GIPC2: variants seen among roughly 807,000 people sequenced by gnomAD.
GIPC2 encodes PDZ domain-containing protein GIPC2.
In GIPC2, 30 loss-of-function variants were observed where a neutral mutation model predicts 30.6. The observed-to-expected ratio is 0.98, with a 90% CI of 0.73 to 1.33. The LOEUF (loss-of-function observed/expected upper bound fraction) is 1.33. Ranked by LOEUF, GIPC2 falls within the 40% of genes most tolerant of loss-of-function variation. The pLI, the probability that GIPC2 is intolerant of heterozygous loss-of-function variation, is 0.00. For missense variants in GIPC2, 414 were observed against 390.3 expected (o/e 1.06, Z -0.51); for synonymous variants, 167 against 150.0 (o/e 1.11, Z -0.83).
At chr1:78,090,876 G>GA (rs900852541) in intron 2 of GIPC2, among the ~76,000 whole-genome samples, 1 of 152,132 alleles carries the variant, frequency 6.6e-6, no homozygotes, top group Admixed American at 6.5e-5. Context: ...GATGATTTGT[G>GA]AAAACAGGTA....
At chr1:78,068,630 T>C (rs1316360412) in intron 1 of GIPC2, among the ~76,000 whole-genome samples, 1 of 152,154 alleles carries the variant, frequency 6.6e-6, no homozygotes, top group East Asian at 1.9e-4. Flanking sequence ...GGACCTAGAG[T>C]TATCCCAGTT....
intron 3 of GIPC2, among the ~76,000 whole-genome samples, chr1:78,097,970 A>T (rs1354770079): frequency 6.6e-6 from 1 of 152,244 alleles, no homozygotes; most frequent in Non-Finnish European, 1.5e-5. Flanking sequence ...ACCTACCAAA[A>T]TCACACATAA....
intron 4 of GIPC2, among the ~76,000 whole-genome samples, chr1:78,120,898 A>G (rs1474741256): frequency 6.6e-6 from 1 of 152,170 alleles, no homozygotes; most frequent in Non-Finnish European, 1.5e-5. Flanking sequence ...TATCAGCACT[A>G]AACACACTAG....
chr1:78,079,482 A>C (rs1661786478), intron 1 of GIPC2, among the ~76,000 whole-genome samples: 1 of 152,210 alleles, frequency 6.6e-6, no homozygotes, highest in Non-Finnish European at 1.5e-5. Flanking sequence ...GGCTCAATCA[A>C]GGTTCTGTTA....
chr1:78,113,345 A>G (rs889343757), intron 3 of GIPC2, among the ~76,000 whole-genome samples: 8 of 152,158 alleles, frequency 5.3e-5, no homozygotes, highest in African/African-American at 1.9e-4. Context: ...AGTAGCTTGG[A>G]CTACAGGCAT....
At chr1:78,091,226 A>G (rs996183741) in intron 2 of GIPC2, among the ~76,000 whole-genome samples, 2 of 152,182 alleles carry the variant, frequency 1.3e-5, no homozygotes, top group East Asian at 3.8e-4. Context: ...TCCTTTTCCT[A>G]GGCTTATTGT....
At chr1:78,131,529 G>C (rs1414648009) in intron 5 of GIPC2, among the ~76,000 whole-genome samples, 1 of 152,044 alleles carries the variant, frequency 6.6e-6, no homozygotes, top group South Asian at 2.1e-4. Flanking sequence ...GTTTATTATT[G>C]CAGTATATTG....
At chr1:78,120,815 C>T (rs112676513) in intron 4 of GIPC2, among the ~76,000 whole-genome samples, 1 of 152,142 alleles carries the variant, frequency 6.6e-6, no homozygotes. Flanking sequence ...CCCACCGGGT[C>T]CCTCCCACAA....
At position 78,095,147 on chromosome 1, in the gene GIPC2, G is replaced by C. The variant is rs1662114595; in HGVS notation, c.607+15G>C. On this transcript the variant is annotated intron_variant, in intron 3 of 5. Coordinates refer to ENST00000370759, the MANE Select transcript of GIPC2 (RefSeq NM_017655.6). ...GAAGGCATTTGGTAAGTCAGGGGTT[G>C]GTGGGCGGGTGTGTGAAATGTTTGC... 6.3e-7 allele frequency: 1 copy of C among 1,582,094 alleles called. No homozygotes were observed. Among genetic ancestry groups the C allele is most frequent in the African/African-American group, 1.4e-5 (1 of 73,914 alleles).
At chr1:78,088,840 A>G (rs1661983598) in intron 2 of GIPC2, 1 of 151,832 alleles carries the variant, frequency 6.6e-6, no homozygotes, top group Non-Finnish European at 1.5e-5. Context: ...TTAAAAAAAA[A>G]AAAAAAGTCA....
At chr1:78,059,725 C>T (rs1311954881) in intron 1 of GIPC2, among the ~76,000 whole-genome samples, 2 of 151,848 alleles carry the variant, frequency 1.3e-5, no homozygotes, top group African/African-American at 2.4e-5. Context: ...GAGCCATGAT[C>T]GTGCCACTGC....
At chr1:78,049,909 T>C (rs1408909586) in intron 1 of GIPC2, among the ~76,000 whole-genome samples, 9 of 145,088 alleles carry the variant, frequency 6.2e-5, no homozygotes, top group Admixed American at 5.5e-4. Context: ...TTTTTTTTTT[T>C]TTTTTGAGAT....
chr1:78,122,358 G>C (rs563941946), intron 4 of GIPC2, among the ~76,000 whole-genome samples: 44 of 152,280 alleles, frequency 2.9e-4, no homozygotes, highest in Admixed American at 7.2e-4. Flanking sequence ...TCTGAAAATG[G>C]TGTAAGATTC....
At chr1:78,128,654 A>C (rs575198118) in intron 5 of GIPC2, among the ~76,000 whole-genome samples, 7 of 152,312 alleles carry the variant, frequency 4.6e-5, no homozygotes, top group African/African-American at 1.4e-4. Flanking sequence ...ATATACATAC[A>C]CACATACGCA....
chr1:78,102,456 A>G (rs1662266996), intron 3 of GIPC2, among the ~76,000 whole-genome samples: 1 of 152,234 alleles, frequency 6.6e-6, no homozygotes, highest in Non-Finnish European at 1.5e-5. Context: ...TTCATGCTGT[A>G]TCTAGGGAAA....
At position 78,046,040 on chromosome 1, in the gene GIPC2, G is replaced by C. The variant is rs1661060859; in HGVS notation, c.-55G>C. On this transcript the variant is annotated 5_prime_UTR_variant, in exon 1 of 6. Coordinates refer to ENST00000370759, the MANE Select transcript of GIPC2 (RefSeq NM_017655.6). ...CGGGGCGCAAAGTCCGAGGCGCCGG[G>C]GGGAGGAGGCGGCGGACGGCAGCGC... 1.4e-6 allele frequency: 2 copies of C among 1,400,100 alleles called. No individual in the cohort carries two copies. The highest frequency in any genetic ancestry group is 1.9e-6 in the Non-Finnish European group (2 of 1,079,554). The allele number at this position is 1,400,100 out of a possible 1,614,324, so 86.7% of individuals were successfully genotyped here.
intron 3 of GIPC2, among the ~76,000 whole-genome samples, chr1:78,102,795 A>G (rs1247407491): frequency 6.6e-6 from 1 of 152,212 alleles, no homozygotes; most frequent in Non-Finnish European, 1.5e-5. Flanking sequence ...CTATTATTAT[A>G]AAGGTGTATC....
At chr1:78,079,004 T>C (rs1661774521) in intron 1 of GIPC2, among the ~76,000 whole-genome samples, 1 of 152,200 alleles carries the variant, frequency 6.6e-6, no homozygotes, top group Non-Finnish European at 1.5e-5. Context: ...AATATGCCAT[T>C]GATTTTACAG....
intron 3 of GIPC2, among the ~76,000 whole-genome samples, chr1:78,103,357 G>A (rs1213747932): frequency 6.6e-6 from 1 of 152,134 alleles, no homozygotes; most frequent in Non-Finnish European, 1.5e-5. Context: ...GTGTGATTTG[G>A]GGTGTTATTT....
Sources: allele counts gnomAD v4.1 joint callset (sites outside exome capture counted in the v4.1 genomes callset), GRCh38; gene constraint gnomAD v4.1.1; transcripts MANE v1.5; gene names NCBI Gene and HGNC (gene_info 2026-07-23, HGNC 2026-07-21).